The following PEX7 variants were observed in gnomAD, a reference collection of about 807,000 sequenced individuals.
PEX7 encodes PTS2 receptor.
A neutral mutation model predicts 47.5 loss-of-function variants in PEX7; 34 were observed. That is an observed-to-expected ratio of 0.72 (90% CI 0.54 to 0.95). The LOEUF is 0.95. Among genes scored for constraint, PEX7 ranks in the 40% least tolerant of loss-of-function variants. The probability of loss-of-function intolerance (pLI) is 0.00; values close to 1 mark genes in which losing one functional copy is unlikely to be tolerated. For synonymous variants in PEX7, 141 were observed against 148.8 expected, an observed-to-expected ratio of 0.95 and a Z score of 0.38; for missense variants, 394 against 400.3, an observed-to-expected ratio of 0.98 and a Z score of 0.13.
Position 136,898,194 on chromosome 6 carries a change from A to G in PEX7, c.856A>G (p.Thr286Ala). Residue 286 changes from threonine (T) to alanine (A), a missense_variant, in exon 9 of 10, where the codon ACA becomes GCA. Transcript: ENST00000318471. Reference sequence around the variant, plus strand: ...TCTTCTTGAAACAGTGGAGCATCATACAGAGTTTACTTGTGGTTTAGACTT... The same window carrying G: ...TCTTCTTGAAACAGTGGAGCATCATGCAGAGTTTACTTGTGGTTTAGACTT... ...DSLLETVEHH[T>A]EFTCGLDFSL... 6.2e-7 allele frequency: 1 copy of G among 1,612,818 alleles called. No homozygotes were observed.
intron 5 of PEX7, among the ~76,000 whole-genome samples, chr6:136,847,694 A>G (rs1411514910): frequency 1.3e-5 from 2 of 151,970 alleles, no homozygotes; most frequent in Admixed American, 6.6e-5. Flanking sequence ...GTTCTGTTCC[A>G]TTGGTCTAGA....
intron 5 of PEX7, among the ~76,000 whole-genome samples, chr6:136,850,620 A>T (rs1263579214): frequency 6.6e-6 from 1 of 152,200 alleles, no homozygotes; most frequent in African/African-American, 2.4e-5. Context: ...TCTGGCAAGG[A>T]CAAATTCATG....
intron 3 of PEX7, chr6:136,830,349 T>C (rs764909953): frequency 7.2e-6 from 2 of 276,462 alleles, no homozygotes; most frequent in Non-Finnish European, 1.3e-5. Context: ...TTGATGGCTA[T>C]GTGTCCAACA....
At position 136,830,060 on chromosome 6, in the gene PEX7, C is replaced by T. The variant is rs1331436828; in HGVS notation, c.339+3591C>T. The T allele has an allele frequency of 5.6e-6, 4 of 711,684 alleles. No homozygotes were observed. The East Asian group carries it at 8.1e-5, about 14-fold the overall frequency. 44.1% of individuals were successfully genotyped at this position (711,684 alleles called of 1,614,324 possible). On this transcript the variant is annotated intron_variant, in intron 3 of 9. Transcript: ENST00000318471. ...AGAAGAGCAACTAATGGGTCATTTT[C>T]TTCTGTGGAAGAGAGTATATAATAA... is the stretch of plus-strand genomic sequence containing the variant.
intron 8 of PEX7, among the ~76,000 whole-genome samples, chr6:136,880,264 G>C (rs756693390): frequency 3.3e-5 from 5 of 152,026 alleles, no homozygotes; most frequent in Non-Finnish European, 7.4e-5. Context: ...ATGGTTTGAG[G>C]TTGGCACCTT....
intron 3 of PEX7, among the ~76,000 whole-genome samples, chr6:136,840,542 T>C (rs148431657): frequency 3.3e-5 from 5 of 152,324 alleles, no homozygotes; most frequent in African/African-American, 1.2e-4. Flanking sequence ...ACTGAAAGGC[T>C]TTGCACAGGG....
intron 3 of PEX7, among the ~76,000 whole-genome samples, chr6:136,840,483 A>G (rs1035063517): frequency 7.4e-6 from 1 of 134,836 alleles, no homozygotes; most frequent in African/African-American, 2.9e-5. Context: ...TGAATCTCAC[A>G]TAATGTTGAG....
At chr6:136,823,454 A>G (rs1481023280) in intron 1 of PEX7, 5 of 663,046 alleles carry the variant, frequency 7.5e-6, no homozygotes, top group Non-Finnish European at 7.5e-6. Flanking sequence ...GCTGCTCAGG[A>G]GGCTGAGGCG....
chr6:136,878,289 CCT>C (rs1443054461), intron 8 of PEX7, among the ~76,000 whole-genome samples: 1 of 152,076 alleles, frequency 6.6e-6, no homozygotes, highest in Non-Finnish European at 1.5e-5. Flanking sequence ...ATTTGAAATC[CCT>C]TTATTCCTTT....
intron 7 of PEX7, among the ~76,000 whole-genome samples, chr6:136,871,749 C>T (rs1031000408): frequency 6.6e-6 from 1 of 151,962 alleles, no homozygotes; most frequent in Non-Finnish European, 1.5e-5. Context: ...TTAGTACAGG[C>T]GGGGTTTCAC....
intron 3 of PEX7, among the ~76,000 whole-genome samples, chr6:136,834,758 C>T (rs1774356479): frequency 6.7e-6 from 1 of 149,050 alleles, no homozygotes; most frequent in African/African-American, 2.5e-5. Context: ...AGATTTTGGG[C>T]CACACACTGT....
At chr6:136,847,552 T>C (rs1205052636) in intron 5 of PEX7, among the ~76,000 whole-genome samples, 1 of 151,830 alleles carries the variant, frequency 6.6e-6, no homozygotes, top group African/African-American at 2.4e-5. Context: ...CAGTTTCAGC[T>C]TTCTACATAT....
At chr6:136,830,615 T>G (rs1355871509) in intron 3 of PEX7, among the ~76,000 whole-genome samples, 1 of 152,222 alleles carries the variant, frequency 6.6e-6, no homozygotes, top group African/African-American at 2.4e-5. Flanking sequence ...CTAATGCTGC[T>G]GAATATATAA....
At chr6:136,908,158 T>C (rs1229507923) in intron 9 of PEX7, among the ~76,000 whole-genome samples, 6 of 152,226 alleles carry the variant, frequency 3.9e-5, no homozygotes, top group Non-Finnish European at 8.8e-5. Flanking sequence ...CATAAATTTC[T>C]GTTCAGTTTT....
intron 8 of PEX7, among the ~76,000 whole-genome samples, chr6:136,875,821 A>G (rs185312045): frequency 1.2e-3 from 176 of 152,290 alleles, no homozygotes; most frequent in African/African-American, 3.4e-3. Flanking sequence ...TTGATTTTAT[A>G]GAAACAGATG....
intron 8 of PEX7, among the ~76,000 whole-genome samples, chr6:136,874,779 A>G (rs1775241014): frequency 6.6e-6 from 1 of 151,390 alleles, no homozygotes; most frequent in Admixed American, 6.6e-5. Context: ...AAGTTCTTTG[A>G]ATATCTAGTG....
intron 9 of PEX7, among the ~76,000 whole-genome samples, chr6:136,901,745 A>G (rs1775757286): frequency 6.6e-6 from 1 of 152,178 alleles, no homozygotes; most frequent in South Asian, 2.1e-4. Flanking sequence ...AAAATCTGCC[A>G]CACTAACCTG....
intron 8 of PEX7, among the ~76,000 whole-genome samples, chr6:136,880,543 A>G (rs1384061333): frequency 6.6e-6 from 1 of 152,212 alleles, no homozygotes; most frequent in Non-Finnish European, 1.5e-5. Context: ...AAGAGAGCTC[A>G]TAGGGATTCT....
rs553533852 is a variant in PEX7 at position 136,839,837 on chromosome 6, A to G, written c.340-5778A>G. ...GCTGGGAAGACAAAACACCTTAGGCATGCCCTTACCCTCCTGGGGTCCTTG... is the reference window on the plus strand; with the variant it reads ...GCTGGGAAGACAAAACACCTTAGGCGTGCCCTTACCCTCCTGGGGTCCTTG... On this transcript the variant is annotated intron_variant, in intron 3 of 9. Coordinates refer to ENST00000318471, the MANE Select transcript of PEX7 (RefSeq NM_000288.4). Among the ~76,000 whole-genome samples, 5 of 152,330 alleles carry G rather than the reference A, an allele frequency of 3.3e-5. No individual in the cohort carries two copies. The East Asian group carries it at 9.6e-4, about 29-fold the overall frequency.
Sources: allele counts gnomAD v4.1 joint callset (sites outside exome capture counted in the v4.1 genomes callset), GRCh38; gene constraint gnomAD v4.1.1; transcripts MANE v1.5; gene names NCBI Gene and HGNC (gene_info 2026-07-23, HGNC 2026-07-21).